Variants in PDS5B observed in about 807,000 individuals in gnomAD.
The protein encoded by PDS5B is sister chromatid cohesion protein PDS5 homolog B.
PDS5B carries 51 observed loss-of-function variants against 184.1 expected under a neutral mutation model. The observed-to-expected ratio is 0.28, with a 90% CI of 0.22 to 0.35. PDS5B has a LOEUF of 0.35. Ranked by LOEUF, PDS5B falls within the 10% of genes least tolerant of loss-of-function variation. The probability of loss-of-function intolerance (pLI) is 1.00; values close to 1 mark genes in which losing one functional copy is unlikely to be tolerated. For synonymous variants in PDS5B, 566 were observed against 569.2 expected, an observed-to-expected ratio of 0.99 and a Z score of 0.08; for missense variants, 1,180 against 1,723.3, an observed-to-expected ratio of 0.68 and a Z score of 5.58.
intron 2 of PDS5B, 58 bp downstream of exon 2, chr13:32,648,938 T>TCA (rs1185886540): frequency 2.5e-6 from 2 of 815,992 alleles, no homozygotes; most frequent in African/African-American, 3.4e-5. Context: ...CCTGTGGAAA[T>TCA]CACATGGGGC....
intron 19 of PDS5B, among the ~76,000 whole-genome samples, chr13:32,719,178 AT>A (rs1952582787): frequency 6.6e-6 from 1 of 152,078 alleles, no homozygotes; most frequent in East Asian, 1.9e-4. Context: ...GATTATTGTT[AT>A]TATTACTATT....
intron 33 of PDS5B, 48 bp from the exon 34 acceptor site, chr13:32,773,141 A>G (rs2141045461): frequency 3.3e-6 from 5 of 1,512,306 alleles, no homozygotes; most frequent in Middle Eastern, 1.8e-4. Context: ...GAGGTAATCT[A>G]CTGAAAGATT....
intron 2 of PDS5B, among the ~76,000 whole-genome samples, chr13:32,651,104 A>C (rs1330061109): frequency 1.3e-5 from 2 of 152,228 alleles, no homozygotes; most frequent in Non-Finnish European, 2.9e-5. Context: ...ATGGTATACC[A>C]TTCTATTTTC....
chr13:32,646,277 G>C (rs1483273667), intron 1 of PDS5B, among the ~76,000 whole-genome samples: 1 of 151,624 alleles, frequency 6.6e-6, no homozygotes, highest in Non-Finnish European at 1.5e-5. Flanking sequence ...CAGATGCTGG[G>C]ATTACAGATG....
intron 6 of PDS5B, among the ~76,000 whole-genome samples, chr13:32,667,488 CTCTA>C (rs1287992371): frequency 1.3e-5 from 2 of 152,114 alleles, no homozygotes; most frequent in Admixed American, 6.6e-5. Flanking sequence ...TCTAGAGTGA[CTCTA>C]TCTAATAAGC....
In PDS5B at chr13:32,651,985, A is replaced by G; in HGVS notation, c.290A>G (p.Tyr97Cys). ...AGGATTTATGCTCCTGAAGCTCCTT[A>G]CACATCCCCTGATAAACTAAAGGCA... is the stretch of plus-strand genomic sequence containing the variant. ...IFRIYAPEAPYTSPDKLKDIF... is the reference protein window; with the variant it reads ...IFRIYAPEAPCTSPDKLKDIF... Residue 97 changes from tyrosine to cysteine, a missense_variant, in exon 3 of 35, where the codon TAC (tyrosine) becomes TGC (cysteine). By Grantham distance (194) the Tyr-to-Cys change is radical. This residue lies in a region of PDS5B where 22 missense variants were observed against 46.8 expected (regional missense o/e 0.47). Coordinates refer to ENST00000315596, the MANE Select transcript of PDS5B (RefSeq NM_015032.4). 1.2e-6 allele frequency: 2 copies of G among 1,612,702 alleles called. No homozygotes were observed. Among genetic ancestry groups the G allele is most frequent in the Non-Finnish European group, 1.7e-6 (2 of 1,178,774 alleles).
At chr13:32,604,718 T>A (rs1455261121) in intron 1 of PDS5B, among the ~76,000 whole-genome samples, 2 of 152,228 alleles carry the variant, frequency 1.3e-5, no homozygotes, top group Non-Finnish European at 2.9e-5. Context: ...TTTTTTTGGT[T>A]GGTAGGCTAT....
At chr13:32,708,763 C>T (rs915967529) in intron 18 of PDS5B, among the ~76,000 whole-genome samples, 1 of 152,142 alleles carries the variant, frequency 6.6e-6, no homozygotes, top group East Asian at 1.9e-4. Flanking sequence ...GCTCATACAT[C>T]TACTGACATC....
At chr13:32,749,277 C>G (rs542758066) in intron 24 of PDS5B, among the ~76,000 whole-genome samples, 1 of 152,288 alleles carries the variant, frequency 6.6e-6, no homozygotes, top group East Asian at 1.9e-4. Context: ...TTCTGCAAGT[C>G]AGTGCTCAGA....
chr13:32,773,588 T>G (rs1035015915), intron 34 of PDS5B, among the ~76,000 whole-genome samples: 27 of 152,162 alleles, frequency 1.8e-4, no homozygotes, highest in Non-Finnish European at 3.7e-4. Context: ...GCATGTAAGT[T>G]GTACCTTGAT....
chr13:32,601,295 A>G (rs2057970924), intron 1 of PDS5B, among the ~76,000 whole-genome samples: 1 of 152,198 alleles, frequency 6.6e-6, no homozygotes, highest in Non-Finnish European at 1.5e-5. Flanking sequence ...CCATGTCCAG[A>G]ACTGTTCACA....
At chr13:32,635,708 C>G in intron 1 of PDS5B, among the ~76,000 whole-genome samples, 1 of 147,846 alleles carries the variant, frequency 6.8e-6, no homozygotes, top group South Asian at 2.1e-4. Context: ...CCTTGAGTTT[C>G]TGGTTGGGCT....
intron 34 of PDS5B, among the ~76,000 whole-genome samples, chr13:32,773,689 A>G (rs989369613): frequency 6.6e-6 from 1 of 152,216 alleles, no homozygotes; most frequent in African/African-American, 2.4e-5. Flanking sequence ...AATAGAAATT[A>G]GAAGTTAGTT....
At chr13:32,587,672 A>G (rs2057711088) in intron 1 of PDS5B, among the ~76,000 whole-genome samples, 1 of 152,184 alleles carries the variant, frequency 6.6e-6, no homozygotes, top group Non-Finnish European at 1.5e-5. Context: ...GGGTTGGTAG[A>G]GCAGCTACCC....
At chr13:32,599,851 C>G (rs2140479822) in intron 1 of PDS5B, among the ~76,000 whole-genome samples, 1 of 152,104 alleles carries the variant, frequency 6.6e-6, no homozygotes, top group African/African-American at 2.4e-5. Flanking sequence ...GGAGGCGGAG[C>G]TTGCAGTGAG....
At chr13:32,586,912 G>T (rs1593216956) in intron 1 of PDS5B, among the ~76,000 whole-genome samples, 2 of 144,054 alleles carry the variant, frequency 1.4e-5, no homozygotes, top group Non-Finnish European at 3.1e-5. Context: ...CTCTGATCCC[G>T]GCCGGGGCGG....
intron 6 of PDS5B, among the ~76,000 whole-genome samples, chr13:32,659,619 G>A (rs1253884292): frequency 1.3e-5 from 2 of 152,200 alleles, no homozygotes; most frequent in Non-Finnish European, 2.9e-5. Flanking sequence ...AAAAGATAGT[G>A]ATAATGTAGA....
intron 15 of PDS5B, among the ~76,000 whole-genome samples, chr13:32,698,434 GCC>G (rs976371791): frequency 2.0e-5 from 3 of 152,130 alleles, no homozygotes; most frequent in Non-Finnish European, 2.9e-5. Context: ...TTTCCAGCTT[GCC>G]CTCAGGTGCT....
chr13:32,589,453 T>G (rs1301205180), intron 1 of PDS5B, among the ~76,000 whole-genome samples: 1 of 152,148 alleles, frequency 6.6e-6, no homozygotes, highest in Non-Finnish European at 1.5e-5. Flanking sequence ...TCAGTCCATT[T>G]AGGTTGTCTC....
Sources: allele counts gnomAD v4.1 joint callset (sites outside exome capture counted in the v4.1 genomes callset), GRCh38; gene constraint gnomAD v4.1.1; regional missense constraint gnomAD v4.1.1; transcripts MANE v1.5; gene names NCBI Gene and HGNC (gene_info 2026-07-23, HGNC 2026-07-21).